The following MACROD1 variants were observed in gnomAD, a reference collection of about 807,000 sequenced individuals.
MACROD1 encodes the protein ADP-ribose glycohydrolase MACROD1.
In MACROD1, 31 loss-of-function variants were observed where a neutral mutation model predicts 41.4. That is an observed-to-expected ratio of 0.75 (90% CI 0.56 to 1.01). The LOEUF (loss-of-function observed/expected upper bound fraction) is 1.01. Among genes scored for constraint, MACROD1 ranks in the 50% least tolerant of loss-of-function variants. MACROD1 has a pLI of 0.00. For synonymous variants in MACROD1, 252 were observed against 203.4 expected, an observed-to-expected ratio of 1.24 and a Z score of -2.03; for missense variants, 473 against 460.0, an observed-to-expected ratio of 1.03 and a Z score of -0.26.
intron 3 of MACROD1, among the ~76,000 whole-genome samples, chr11:64,108,066 C>T (rs537856291): frequency 6.6e-6 from 1 of 152,146 alleles, no homozygotes; most frequent in Non-Finnish European, 1.5e-5. Flanking sequence ...GTAATCCCAG[C>T]ACTTTGGGAG....
rs544739061 is a variant in MACROD1, at chr11:64,120,683, CA to C, written c.517+30555del. 6.8e-4 allele frequency among the ~76,000 whole-genome samples: 98 copies of C among 143,238 alleles called. No individual in the cohort carries two copies. Among genetic ancestry groups the C allele is most frequent in the Admixed American group, 9.0e-4 (13 of 14,410 alleles). The allele number at this position is 143,238 out of a possible 152,430, so 94.0% of individuals were successfully genotyped here. Reference sequence around the variant, plus strand: ...CTGGGCAAAGAGTGAGACTCCATCTCAAAAAAAAAAAAGTAGGCCCTCCCAG... The same window carrying C: ...CTGGGCAAAGAGTGAGACTCCATCTCAAAAAAAAAAAGTAGGCCCTCCCAG... On this transcript the variant is annotated intron_variant, in intron 3 of 10. Coordinates refer to ENST00000255681, the MANE Select transcript of MACROD1 (RefSeq NM_014067.4). The surrounding 1 kb of genome is among the most constrained non-coding windows in gnomAD (Gnocchi z 4.5).
intron 4 of MACROD1, among the ~76,000 whole-genome samples, chr11:64,004,329 G>A (rs1440549874): frequency 1.3e-5 from 2 of 152,242 alleles, no homozygotes; most frequent in Admixed American, 1.3e-4. Context: ...GGCAGGCTCC[G>A]GTGGGGCCAT....
intron 3 of MACROD1, among the ~76,000 whole-genome samples, chr11:64,091,588 T>G (rs554260995): frequency 6.6e-6 from 1 of 152,160 alleles, no homozygotes; most frequent in African/African-American, 2.4e-5. Context: ...CAGCACCTCC[T>G]GGAGTCCTTG....
At position 64,116,359 on chromosome 11, in the gene MACROD1, T is replaced by G. The variant is rs529757926; in HGVS notation, c.517+34880A>C. The G allele has an allele frequency of 2.5e-5, 40 of 1,613,260 alleles. No homozygotes were observed. The South Asian group carries it at 3.8e-4, about 16-fold the overall frequency. ...GTGATGACCACGGCCACCATGGACC[T>G]GCGGGACTGGCTGTTCCTCTGCTAC... is the stretch of plus-strand genomic sequence containing the variant. On this transcript the variant is annotated intron_variant, in intron 3 of 10. Transcript: ENST00000255681.
intron 3 of MACROD1, among the ~76,000 whole-genome samples, chr11:64,080,738 C>A (rs1023558287): frequency 2.0e-5 from 3 of 152,182 alleles, no homozygotes; most frequent in African/African-American, 7.2e-5. Flanking sequence ...AGGGGACAGG[C>A]CCCCGGCTGG....
intron 3 of MACROD1, among the ~76,000 whole-genome samples, chr11:64,132,713 T>C (rs1172629849): frequency 1.3e-5 from 2 of 152,138 alleles, no homozygotes; most frequent in African/African-American, 2.4e-5. Flanking sequence ...CTCTTCCCCA[T>C]GTGACCATCC....
rs900649242 is a variant in MACROD1 at position 64,082,103 on chromosome 11, G to C, written c.518-66822C>G. On this transcript the variant is annotated intron_variant, in intron 3 of 10. Coordinates refer to ENST00000255681, the MANE Select transcript of MACROD1 (RefSeq NM_014067.4). This position sits in a 1 kb window ranked among gnomAD's most constrained non-coding sequence, Gnocchi z 4.5. ...GGCCGTGGCGAGAACAGATGGGGCTGTGCCCATCTCCCCAGGCCCTCCTGT... is the reference window on the plus strand; with the variant it reads ...GGCCGTGGCGAGAACAGATGGGGCTCTGCCCATCTCCCCAGGCCCTCCTGT... 1 of 152,210 alleles carries C rather than the reference G, an allele frequency of 6.6e-6. No individual in the cohort carries two copies. The highest frequency in any genetic ancestry group is 2.4e-5 in the African/African-American group (1 of 41,424). The allele number at this position is 152,210 out of a possible 1,614,324, so 9.4% of individuals were successfully genotyped here.
intron 3 of MACROD1, among the ~76,000 whole-genome samples, chr11:64,050,255 C>T (rs1406357973): frequency 6.6e-6 from 1 of 152,188 alleles, no homozygotes; most frequent in East Asian, 1.9e-4. Context: ...GAGGAGGGAC[C>T]TGAGACCCCG....
intron 3 of MACROD1, among the ~76,000 whole-genome samples, chr11:64,144,384 C>T (rs1945461514): frequency 2.0e-5 from 3 of 152,190 alleles, no homozygotes; most frequent in Admixed American, 2.0e-4. Flanking sequence ...AGGCCCACCC[C>T]ACGGCGTGGT....
chr11:64,039,297 C>T (rs939711518), intron 3 of MACROD1, among the ~76,000 whole-genome samples: 8 of 152,050 alleles, frequency 5.3e-5, no homozygotes, highest in African/African-American at 7.3e-5. Context: ...GGGACTGCCC[C>T]GGGGGTAGCT....
chr11:64,039,617 C>CCG (rs1354602788), intron 3 of MACROD1, among the ~76,000 whole-genome samples: 1 of 152,192 alleles, frequency 6.6e-6, no homozygotes, highest in East Asian at 1.9e-4. Context: ...CTCCTCCCCC[C>CCG]GGACAGCCTG....
At chr11:64,156,971 C>A (rs1292065283) in intron 1 of MACROD1, among the ~76,000 whole-genome samples, 1 of 152,222 alleles carries the variant, frequency 6.6e-6, no homozygotes, top group East Asian at 1.9e-4. Flanking sequence ...CCAACTGCGC[C>A]CATTCAGCAT....
intron 3 of MACROD1, among the ~76,000 whole-genome samples, chr11:64,080,926 T>G (rs925447044): frequency 2.0e-5 from 3 of 152,206 alleles, no homozygotes; most frequent in Admixed American, 6.5e-5. Flanking sequence ...GAATCCCCAC[T>G]GCTCCTGAAG....
At chr11:64,015,898 G>A (rs1039992209) in intron 3 of MACROD1, among the ~76,000 whole-genome samples, 17 of 152,198 alleles carry the variant, frequency 1.1e-4, no homozygotes, top group Admixed American at 6.5e-5. Flanking sequence ...GCTGCCACTG[G>A]AGCCAAAACC....
chr11:64,157,674 TA>T (rs1389531615), intron 1 of MACROD1, among the ~76,000 whole-genome samples: 1 of 152,090 alleles, frequency 6.6e-6, no homozygotes, highest in African/African-American at 2.4e-5. Context: ...ACCAGAACCA[TA>T]AAGTGCAGCG....
intron 3 of MACROD1, among the ~76,000 whole-genome samples, chr11:64,088,297 G>A (rs1421254554): frequency 1.3e-5 from 2 of 152,162 alleles, no homozygotes; most frequent in Non-Finnish European, 1.5e-5. Context: ...GGGACCTTGC[G>A]TCACTAGGCT....
chr11:64,003,619 G>A (rs575605991), intron 4 of MACROD1, among the ~76,000 whole-genome samples: 3 of 152,310 alleles, frequency 2.0e-5, no homozygotes, highest in East Asian at 3.9e-4. Context: ...AAGCACCTGC[G>A]TGGTGATTTA....
chr11:64,112,138 T>C (rs1160464274), intron 3 of MACROD1, among the ~76,000 whole-genome samples: 1 of 152,232 alleles, frequency 6.6e-6, no homozygotes, highest in Non-Finnish European at 1.5e-5. Context: ...TTAGTGAGCA[T>C]CTGCCACGTG....
chr11:64,138,157 A>G (rs1945357172), intron 3 of MACROD1, among the ~76,000 whole-genome samples: 1 of 152,208 alleles, frequency 6.6e-6, no homozygotes, highest in African/African-American at 2.4e-5. Context: ...TGGCCACAGC[A>G]GGACTTGAAC....
Sources: allele counts gnomAD v4.1 joint callset (sites outside exome capture counted in the v4.1 genomes callset), GRCh38; gene constraint gnomAD v4.1.1; non-coding constraint Gnocchi (gnomAD v3.1); transcripts MANE v1.5; gene names NCBI Gene and HGNC (gene_info 2026-07-23, HGNC 2026-07-21).